The following NWD1 variants were observed in gnomAD, a reference collection of about 807,000 sequenced individuals.
NWD1 encodes NACHT domain- and WD repeat-containing protein 1.
A neutral mutation model predicts 135.1 loss-of-function variants in NWD1; 129 were observed. The ratio of observed to expected loss-of-function variants is 0.96; its 90% CI spans 0.83 to 1.11. The LOEUF (loss-of-function observed/expected upper bound fraction) is 1.11. Ranked by LOEUF, NWD1 falls within the 50% of genes least tolerant of loss-of-function variation. The pLI, the probability that NWD1 is intolerant of heterozygous loss-of-function variation, is 0.00. For synonymous variants in NWD1, 773 were observed against 786.0 expected (o/e 0.98, Z 0.28); for missense variants, 1,740 against 1,851.3 (o/e 0.94, Z 1.10).
chr19:16,795,236 A>T (rs1970380652), intron 15 of NWD1, among the ~76,000 whole-genome samples: 1 of 152,126 alleles, frequency 6.6e-6, no homozygotes, highest in South Asian at 2.1e-4. Flanking sequence ...CTCAGCCCCT[A>T]GCAGGAGGGA....
chr19:16,742,280 C>T (rs1162836441), intron 4 of NWD1, among the ~76,000 whole-genome samples: 1 of 151,572 alleles, frequency 6.6e-6, no homozygotes, highest in Non-Finnish European at 1.5e-5. Context: ...GAGGCTGAGG[C>T]CGGAGAATCA....
chr19:16,750,481 G>A (rs1026725089), intron 6 of NWD1, 70 bp downstream of exon 6: 1 of 1,204,890 alleles, frequency 8.3e-7, no homozygotes, highest in African/African-American at 1.5e-5. Context: ...AGAGATGGAG[G>A]TCTGGCTATG....
At chr19:16,763,064 A>G (rs1969083360) in intron 8 of NWD1, among the ~76,000 whole-genome samples, 1 of 151,524 alleles carries the variant, frequency 6.6e-6, no homozygotes, top group African/African-American at 2.4e-5. Flanking sequence ...ACAGGCGTGT[A>G]ATTACAGGTG....
chr19:16,754,731 TCTTC>T (rs1968720525), intron 6 of NWD1, among the ~76,000 whole-genome samples: 1 of 149,380 alleles, frequency 6.7e-6, no homozygotes, highest in Admixed American at 6.6e-5. Flanking sequence ...ATCATCTCTA[TCTTC>T]CTTCCATCCA....
At chr19:16,773,483 G>T (rs1223753192) in intron 11 of NWD1, among the ~76,000 whole-genome samples, 160 bp downstream of exon 11, 1 of 152,106 alleles carries the variant, frequency 6.6e-6, no homozygotes, top group Non-Finnish European at 1.5e-5. Context: ...TGCTGAATCA[G>T]CTCTCTCTGC....
intron 18 of NWD1, among the ~76,000 whole-genome samples, chr19:16,813,907 T>C (rs1349705337): frequency 6.6e-6 from 1 of 152,000 alleles, no homozygotes; most frequent in Non-Finnish European, 1.5e-5. Context: ...ATCCCAGCAC[T>C]TTGGGAGGCC....
At position 16,749,172 on chromosome 19, in the gene NWD1, G is replaced by A. The variant is rs548101014; in HGVS notation, c.530G>A (p.Ser177Asn). ...IEWEIERSLL[S>N]SEDREQGATV... The stretch of plus-strand genomic sequence containing the variant: ...TGGGAGATAGAGCGGAGCCTGCTGA[G>A]CTCAGAGGACCGGGAACAGGGAGCC... Residue 177 changes from serine to asparagine, a missense_variant, in exon 6 of 19, where the codon AGC becomes AAC. Ser to Asn is a conservative substitution (Grantham distance 46). Coordinates refer to ENST00000524140, the MANE Select transcript of NWD1 (RefSeq NM_001007525.5). 4.8e-5 allele frequency: 77 copies of A among 1,612,210 alleles called. No individual in the cohort carries two copies. The highest frequency in any genetic ancestry group is 6.0e-5 in the Non-Finnish European group (71 of 1,179,070).
chr19:16,811,444 C>CA (rs1970920451), intron 18 of NWD1, among the ~76,000 whole-genome samples: 1 of 151,648 alleles, frequency 6.6e-6, no homozygotes, highest in African/African-American at 2.4e-5. Flanking sequence ...ATTAGCCGGG[C>CA]ATGGTGGTGC....
Position 16,750,231 on chromosome 19 carries a change from G to T in NWD1, c.1589G>T (p.Cys530Phe). The T allele has an allele frequency of 6.2e-7, 1 of 1,613,618 alleles. No individual in the cohort carries two copies. The highest frequency in any genetic ancestry group is 1.3e-5 in the African/African-American group (1 of 75,048). Residue 530 changes from cysteine (C) to phenylalanine (F), a missense_variant, in exon 6 of 19, where the codon TGT becomes TTT. Cys to Phe is a radical substitution (Grantham distance 205). Transcript: ENST00000524140. ...TTGCTCTGGGCCAGCCTCCCAGAGT[G>T]TGGGAACCCAGGGCGGCTGAGGCTG... ...TDLLWASLPECGNPGRLRLAF... is the reference protein window; with the variant it reads ...TDLLWASLPEFGNPGRLRLAF...
Position 16,789,145 on chromosome 19 carries a change from T to C in NWD1, c.2895T>C (p.His965=). 1.2e-6 allele frequency: 2 copies of C among 1,614,074 alleles called. No homozygotes were observed. The highest frequency in any genetic ancestry group is 8.5e-7 in the Non-Finnish European group (1 of 1,179,980). The part of the protein sequence containing the change: ...NPAEPQIWNL[H]VDEAHKVVYS... ...CTGAACCTCAGATCTGGAACCTTCA[T>C]GTGGATGAGGCACACAAAGTTGTGT... Residue 965 remains histidine (H), a synonymous_variant, in exon 13 of 19, where the codon CAT becomes CAC. Coordinates refer to ENST00000524140, the MANE Select transcript of NWD1 (RefSeq NM_001007525.5).
chr19:16,744,455 T>C lies in NWD1; in HGVS notation c.233T>C (p.Ile78Thr). ...GGTGATCAGTACGGCCCCTGTCTGA[T>C]TCCCTCGCGGATCGATGAGAAGGAG... ...LIGDQYGPCL[I>T]PSRIDEKEWE... is the part of the protein sequence containing the mutation. The change falls in exon 5 of 19, where the codon ATT becomes ACT. Residue 78 changes from isoleucine to threonine, a missense_variant. Coordinates refer to ENST00000524140, the MANE Select transcript of NWD1 (RefSeq NM_001007525.5). 6.5e-7 allele frequency: 1 copy of C among 1,535,658 alleles called. No individual in the cohort carries two copies.
intron 15 of NWD1, among the ~76,000 whole-genome samples, chr19:16,795,537 C>A (rs142223719): frequency 2.3e-3 from 350 of 151,496 alleles, no homozygotes; most frequent in African/African-American, 7.8e-3. Flanking sequence ...CTGCCTCAGT[C>A]TCCCAAGTAT....
intron 17 of NWD1, among the ~76,000 whole-genome samples, chr19:16,805,152 G>A (rs943165016): frequency 6.6e-5 from 10 of 151,950 alleles, no homozygotes; most frequent in Middle Eastern, 3.4e-3. Flanking sequence ...TCCGCCTCCC[G>A]GGTTCAAGCA....
In NWD1 at chr19:16,762,111, G is replaced by A; in HGVS notation, c.2106G>A (p.Val702=). The A allele has an allele frequency of 6.2e-7, 1 of 1,613,914 alleles. No homozygotes were observed. Among genetic ancestry groups the A allele is most frequent in the Non-Finnish European group, 8.5e-7 (1 of 1,179,936 alleles). The part of the protein sequence containing the change: ...GTKKLITLPL[V]GKPLNLDRKV... ...AGAAGCTCATCACTCTGCCACTTGT[G>A]GGGAAACCACTGAACTTGGACCGAA... Residue 702 remains valine (V), a synonymous_variant, in exon 8 of 19, where the codon GTG becomes GTA. Coordinates refer to ENST00000524140, the MANE Select transcript of NWD1 (RefSeq NM_001007525.5).
At chr19:16,769,647 C>T (rs550207914) in intron 10 of NWD1, among the ~76,000 whole-genome samples, 6 of 152,256 alleles carry the variant, frequency 3.9e-5, no homozygotes, top group South Asian at 4.1e-4. Context: ...TCCAAGCTTG[C>T]GTGCCGGGGG....
Position 16,744,734 on chromosome 19 carries a change from C to G in NWD1, c.496+16C>G. On this transcript the variant is annotated intron_variant, in intron 5 of 18. Coordinates refer to ENST00000524140, the MANE Select transcript of NWD1 (RefSeq NM_001007525.5). ...CACCGGTCAGGTGAGGCCGCAGGGA[C>G]TCCCCTCTGGAGACCCACAAGAAAC... 6.5e-7 allele frequency: 1 copy of G among 1,533,452 alleles called. No homozygotes were observed. Among genetic ancestry groups the G allele is most frequent in the South Asian group, 1.2e-5 (1 of 84,010 alleles). 95.0% of individuals were successfully genotyped at this position (1,533,452 alleles called of 1,614,324 possible). A position where few individuals can be genotyped will look rare whatever the true frequency, so the allele number is the denominator to read the frequency against.
intron 7 of NWD1, 109 bp from the exon 8 acceptor site, chr19:16,761,870 A>T: frequency 1.3e-6 from 1 of 793,228 alleles, no homozygotes; most frequent in East Asian, 2.6e-5. Flanking sequence ...TGGTCAACAG[A>T]GTGGTTTAGG....
chr19:16,735,866 GAGGAAGGA>G (rs372042757), intron 3 of NWD1, among the ~76,000 whole-genome samples: 4 of 28,558 alleles, frequency 1.4e-4, no homozygotes, highest in African/African-American at 3.3e-4. Flanking sequence ...AGGAAGGAAG[GAGGAAGGA>G]AGGAAGGAAG....
chr19:16,757,857 G>A (rs1187999770), intron 6 of NWD1, among the ~76,000 whole-genome samples: 2 of 152,106 alleles, frequency 1.3e-5, no homozygotes, highest in African/African-American at 4.8e-5. Context: ...TTGAACAGCA[G>A]CCTGGCCAAC....
Sources: allele counts gnomAD v4.1 joint callset (sites outside exome capture counted in the v4.1 genomes callset), GRCh38; gene constraint gnomAD v4.1.1; transcripts MANE v1.5; gene names NCBI Gene and HGNC (gene_info 2026-07-23, HGNC 2026-07-21).